The following NCKAP5 variants were observed in gnomAD, a reference collection of about 807,000 sequenced individuals.
The protein encoded by NCKAP5 is NCK associated protein 5.
Under a neutral mutation model 167.0 loss-of-function variants are expected in NCKAP5, and 92 were observed. The observed-to-expected ratio is 0.55, with a 90% CI of 0.47 to 0.66. The LOEUF (loss-of-function observed/expected upper bound fraction) is 0.66, where lower values mean the gene tolerates loss of function less well. Ranked by LOEUF, NCKAP5 falls within the 30% of genes least tolerant of loss-of-function variation. NCKAP5 has a pLI of 0.00. For missense variants in NCKAP5, 2,378 were observed against 2,315.0 expected (o/e 1.03, Z -0.56); for synonymous variants, 891 against 877.4 (o/e 1.02, Z -0.27).
At chr2:133,424,681 G>C (rs916500610) in intron 3 of NCKAP5, among the ~76,000 whole-genome samples, 1 of 152,198 alleles carries the variant, frequency 6.6e-6, no homozygotes, top group Non-Finnish European at 1.5e-5. Context: ...TCATGGTGTG[G>C]TCTGTAGGGC....
chr2:133,204,586 T>C (rs905037335), intron 5 of NCKAP5, among the ~76,000 whole-genome samples: 1 of 152,232 alleles, frequency 6.6e-6, no homozygotes. Flanking sequence ...GAAACAGTGC[T>C]AAAGAGTAAA....
chr2:132,703,529 TAAGGGA>T (rs1357593470), intron 19 of NCKAP5, among the ~76,000 whole-genome samples: 1 of 152,156 alleles, frequency 6.6e-6, no homozygotes, highest in Non-Finnish European at 1.5e-5. Flanking sequence ...TTGCTCCCTT[TAAGGGA>T]ACATGAATAT....
chr2:132,873,203 AC>A (rs202002083), intron 9 of NCKAP5, among the ~76,000 whole-genome samples: 8,088 of 152,166 alleles, frequency 0.053, 227 homozygotes, highest in East Asian at 0.099. Context: ...TCCCGGGTTC[AC>A]GCCATTCTCC....
intron 7 of NCKAP5, among the ~76,000 whole-genome samples, chr2:132,982,820 T>C (rs12472644): frequency 1.3e-5 from 2 of 152,094 alleles, no homozygotes; most frequent in East Asian, 1.9e-4. Context: ...TCCAACTGCA[T>C]CCATGTTGCT....
intron 6 of NCKAP5, among the ~76,000 whole-genome samples, chr2:133,071,192 G>A (rs2080381950): frequency 6.6e-6 from 1 of 152,172 alleles, no homozygotes; most frequent in Non-Finnish European, 1.5e-5. Context: ...TGCAGAAAAA[G>A]TCTGCACTAC....
chr2:133,246,303 GA>G (rs2087990267), intron 4 of NCKAP5, among the ~76,000 whole-genome samples: 1 of 151,836 alleles, frequency 6.6e-6, no homozygotes, highest in African/African-American at 2.4e-5. Context: ...GCAATGACAT[GA>G]AAAAAAGCTT....
At chr2:132,820,255 A>C (rs1686611771) in intron 11 of NCKAP5, among the ~76,000 whole-genome samples, 1 of 151,476 alleles carries the variant, frequency 6.6e-6, no homozygotes, top group Non-Finnish European at 1.5e-5. Flanking sequence ...TAAGAGACAG[A>C]GTCTCACTCT....
Position 132,813,660 on chromosome 2 carries a change from C to T in NCKAP5, c.808-16931G>A, listed in dbSNP as rs554053918. 4.6e-5 allele frequency among the ~76,000 whole-genome samples: 7 copies of T among 152,200 alleles called. No individual in the cohort carries two copies. The East Asian group carries it at 5.8e-4, about 13-fold the overall frequency. On this transcript the variant is annotated intron_variant, in intron 11 of 19. Transcript: ENST00000409261. The stretch of plus-strand genomic sequence containing the variant: ...GTTATCCAGATGGTCAGCAAGAAAC[C>T]ATACGTGGGCCCTGCTCTTGCAACT...
At chr2:133,269,227 G>T (rs1021613016) in intron 4 of NCKAP5, among the ~76,000 whole-genome samples, 1 of 152,096 alleles carries the variant, frequency 6.6e-6, no homozygotes, top group South Asian at 2.1e-4. Context: ...AATATATGAA[G>T]GAAAAATCAA....
chr2:133,527,594 T>A (rs1685028727), intron 2 of NCKAP5, among the ~76,000 whole-genome samples: 1 of 145,422 alleles, frequency 6.9e-6, no homozygotes, highest in Non-Finnish European at 1.5e-5. Context: ...ATAGGAAGAA[T>A]TTTTAGTGAA....
At chr2:133,240,161 T>C (rs1301343262) in intron 4 of NCKAP5, among the ~76,000 whole-genome samples, 1 of 152,198 alleles carries the variant, frequency 6.6e-6, no homozygotes, top group East Asian at 1.9e-4. Context: ...ATAGAATACC[T>C]ACTCTCCTAA....
intron 5 of NCKAP5, among the ~76,000 whole-genome samples, chr2:133,187,907 G>A (rs2085020753): frequency 6.6e-6 from 1 of 152,018 alleles, no homozygotes; most frequent in African/African-American, 2.4e-5. Flanking sequence ...ACAGCACACT[G>A]ATGGGTCTTG....
chr2:132,697,025 C>T (rs543990941), intron 19 of NCKAP5, among the ~76,000 whole-genome samples: 12 of 20,278 alleles, frequency 5.9e-4, no homozygotes, highest in African/African-American at 2.6e-3. Flanking sequence ...ATAGTTGGGA[C>T]TACAGGCATG....
the NCKAP5 span, among the ~76,000 whole-genome samples, chr2:133,580,442 T>C: frequency 6.6e-6 from 1 of 152,158 alleles, no homozygotes; most frequent in African/African-American, 2.4e-5. Flanking sequence ...AAAATAGCTA[T>C]TTTCTCTTTT....
chr2:133,339,011 C>T (rs1332120000), intron 3 of NCKAP5, among the ~76,000 whole-genome samples: 2 of 152,094 alleles, frequency 1.3e-5, no homozygotes, highest in African/African-American at 2.4e-5. Context: ...CAGAGTGAGA[C>T]TCCATCTCAA....
chr2:133,597,673 CAAAAAAAAAAAAAAAA>C, the NCKAP5 span, among the ~76,000 whole-genome samples: 518 of 61,132 alleles, frequency 8.5e-3, 4 homozygotes, highest in Middle Eastern at 0.043. Context: ...GACTCTGTCT[CAAAAAAAAAAAAAAAA>C]AAAAAAAAAG....
chr2:132,800,282 C>G (rs1684923407), intron 11 of NCKAP5, among the ~76,000 whole-genome samples: 1 of 152,274 alleles, frequency 6.6e-6, no homozygotes, highest in East Asian at 1.9e-4. Context: ...TAGTGTTCAT[C>G]TGAATAAAAT....
intron 5 of NCKAP5, among the ~76,000 whole-genome samples, chr2:133,206,841 A>C (rs992607751): frequency 3.3e-5 from 5 of 152,232 alleles, no homozygotes; most frequent in Middle Eastern, 3.4e-3. Flanking sequence ...GGGTAGGTCT[A>C]TAGACTGCTG....
At chr2:133,094,746 A>G (rs944678420) in intron 6 of NCKAP5, among the ~76,000 whole-genome samples, 3 of 152,204 alleles carry the variant, frequency 2.0e-5, no homozygotes, top group African/African-American at 7.2e-5. Flanking sequence ...ATCTAAGTGG[A>G]CCTAATCTAA....
Sources: gnomAD v4.1 joint callset for allele counts (sites outside exome capture counted in the v4.1 genomes callset) on GRCh38, gnomAD v4.1.1 for gene constraint, MANE v1.5 for transcripts, NCBI Gene and HGNC (gene_info 2026-07-23, HGNC 2026-07-21) for gene names.